TRABD2B: variants seen among roughly 807,000 people sequenced by gnomAD.
TRABD2B encodes metalloprotease TIKI2.
Under a neutral mutation model 40.1 loss-of-function variants are expected in TRABD2B, and 14 were observed. The observed-to-expected ratio is 0.35, with a 90% CI of 0.23 to 0.55. TRABD2B has a LOEUF of 0.55. TRABD2B is among the 20% of genes least tolerant of loss of function. The pLI, the probability that TRABD2B is intolerant of heterozygous loss-of-function variation, is 0.90. For synonymous variants in TRABD2B, 263 were observed against 277.0 expected (o/e 0.95, Z 0.50); for missense variants, 541 against 648.6 (o/e 0.83, Z 1.80).
chr1:47,843,068 T>C (rs2124491957), intron 2 of TRABD2B, among the ~76,000 whole-genome samples: 1 of 152,058 alleles, frequency 6.6e-6, no homozygotes, highest in Middle Eastern at 3.4e-3. Flanking sequence ...GGCTGCTGTA[T>C]AGTGAAAGGG....
chr1:47,936,620 A>G (rs1570321802), intron 2 of TRABD2B, among the ~76,000 whole-genome samples: 1 of 152,200 alleles, frequency 6.6e-6, no homozygotes, highest in Non-Finnish European at 1.5e-5. Flanking sequence ...GTTTGCCACT[A>G]TATTTCGGAT....
intron 2 of TRABD2B, among the ~76,000 whole-genome samples, chr1:47,837,291 T>C (rs1025734883): frequency 9.2e-5 from 14 of 152,138 alleles, no homozygotes; most frequent in Non-Finnish European, 1.6e-4. Flanking sequence ...AGGGAACAGA[T>C]CTGCATTTTT....
intron 4 of TRABD2B, among the ~76,000 whole-genome samples, chr1:47,789,266 T>C (rs1644638137): frequency 6.6e-6 from 1 of 152,108 alleles, no homozygotes; most frequent in Non-Finnish European, 1.5e-5. Context: ...AGCTGCTTGG[T>C]GTTGCTGGAG....
At chr1:47,831,095 G>A (rs986935999) in intron 2 of TRABD2B, among the ~76,000 whole-genome samples, 20 of 151,866 alleles carry the variant, frequency 1.3e-4, no homozygotes, top group Admixed American at 5.9e-4. Context: ...CACCTTTGAA[G>A]AGTATAGGCA....
chr1:47,983,756 G>GAAAAAAAAAAA (rs67664418), intron 2 of TRABD2B, among the ~76,000 whole-genome samples: 1 of 122,180 alleles, frequency 8.2e-6, no homozygotes, highest in Non-Finnish European at 1.7e-5. Flanking sequence ...GGCAAAAAAA[G>GAAAAAAAAAAA]AAAAAAAAAA....
chr1:47,878,461 C>T (rs956551778), intron 2 of TRABD2B, among the ~76,000 whole-genome samples: 9 of 152,210 alleles, frequency 5.9e-5, no homozygotes, highest in Admixed American at 5.2e-4. Context: ...AGAAGGGCCA[C>T]CAACACAGGC....
chr1:47,883,291 T>G (rs1644329499), intron 2 of TRABD2B, among the ~76,000 whole-genome samples: 1 of 152,206 alleles, frequency 6.6e-6, no homozygotes. Context: ...GTCTTGACAT[T>G]GTCTCAAAAT....
At position 47,994,538 on chromosome 1, in the gene TRABD2B, A is replaced by G; in HGVS notation, c.162T>C (p.Phe54=). Residue 54 remains phenylalanine, a synonymous_variant, in exon 2 of 7, where the codon TTT becomes TTC. Coordinates refer to ENST00000606738, the MANE Select transcript of TRABD2B (RefSeq NM_001194986.2). This position sits in a 1 kb window ranked among gnomAD's most constrained non-coding sequence, Gnocchi z 6.7. ...GGGTGTAGGGGACGTGAATAGTGCCAAACAGGTAGGCCGGAGGATCACGCC... is the reference window on the plus strand; with the variant it reads ...GGGTGTAGGGGACGTGAATAGTGCCGAACAGGTAGGCCGGAGGATCACGCC... The part of the protein sequence containing the change: ...TIRRDPPAYL[F]GTIHVPYTRV... 2 of 1,536,138 alleles carry G rather than the reference A, an allele frequency of 1.3e-6. No individual in the cohort carries two copies. Among genetic ancestry groups the G allele is most frequent in the South Asian group, 1.2e-5 (1 of 84,066 alleles).
At chr1:47,842,450 A>T (rs1159401851) in intron 2 of TRABD2B, among the ~76,000 whole-genome samples, 2 of 152,072 alleles carry the variant, frequency 1.3e-5, no homozygotes, top group Admixed American at 1.3e-4. Flanking sequence ...ATACCCTCCC[A>T]GGGGGGAGGA....
intron 2 of TRABD2B, among the ~76,000 whole-genome samples, chr1:47,918,979 A>G (rs181871476): frequency 1.6e-4 from 25 of 152,306 alleles, no homozygotes; most frequent in Admixed American, 3.9e-4. Flanking sequence ...GCTCATTCTT[A>G]CAGGCCCTGT....
At chr1:47,882,231 C>T (rs1188130292) in intron 2 of TRABD2B, among the ~76,000 whole-genome samples, 1 of 152,230 alleles carries the variant, frequency 6.6e-6, no homozygotes, top group Non-Finnish European at 1.5e-5. Flanking sequence ...CATCCTGCCT[C>T]ATGCTCCCCA....
intron 2 of TRABD2B, among the ~76,000 whole-genome samples, chr1:47,947,049 T>C (rs1010218009): frequency 6.6e-6 from 1 of 152,180 alleles, no homozygotes; most frequent in Non-Finnish European, 1.5e-5. Flanking sequence ...AAACCTTTGT[T>C]GCAACCCTGT....
intron 2 of TRABD2B, among the ~76,000 whole-genome samples, chr1:47,860,615 C>T (rs1890859): frequency 0.024 from 3,585 of 152,232 alleles, 113 homozygotes; most frequent in Admixed American, 0.095. Context: ...TGAGGCTGTG[C>T]TATGGTTTGA....
chr1:47,995,054 G>T (rs1457641131), intron 1 of TRABD2B, among the ~76,000 whole-genome samples: 1 of 152,170 alleles, frequency 6.6e-6, no homozygotes, highest in Non-Finnish European at 1.5e-5. Flanking sequence ...GGTGTTTCAT[G>T]CGGAGGGTGG....
intron 2 of TRABD2B, among the ~76,000 whole-genome samples, chr1:47,976,764 G>GC (rs1206157019): frequency 2.0e-5 from 3 of 152,190 alleles, no homozygotes; most frequent in African/African-American, 7.2e-5. Context: ...GCAGTACCTG[G>GC]CATGCAGCAG....
chr1:47,969,543 C>G (rs992762685), intron 2 of TRABD2B, among the ~76,000 whole-genome samples: 10 of 152,126 alleles, frequency 6.6e-5, no homozygotes, highest in African/African-American at 2.4e-4. Context: ...CATGATGGGC[C>G]AAAAGTCACA....
chr1:47,809,867 T>A (rs1401620745), intron 2 of TRABD2B, among the ~76,000 whole-genome samples: 1 of 152,192 alleles, frequency 6.6e-6, no homozygotes, highest in Non-Finnish European at 1.5e-5. Flanking sequence ...TCTGGGTGAA[T>A]TATTTTCCTT....
chr1:47,792,736 C>T (rs1283541280), intron 4 of TRABD2B, among the ~76,000 whole-genome samples: 1 of 152,150 alleles, frequency 6.6e-6, no homozygotes, highest in Non-Finnish European at 1.5e-5. Flanking sequence ...TAGCTACCCC[C>T]AGCCCTGGGA....
rs1157534848 is a variant in TRABD2B at position 47,994,757 on chromosome 1, T to C, written c.103-160A>G. ...GTCTTTGGAGCCTGAAAGACCCACA[T>C]TGAAAACCTAGCTTTGCCCTGTCTT... On this transcript the variant is annotated intron_variant, in intron 1 of 6. Coordinates refer to ENST00000606738, the MANE Select transcript of TRABD2B (RefSeq NM_001194986.2). This position sits in a 1 kb window ranked among gnomAD's most constrained non-coding sequence, Gnocchi z 6.7. 1.3e-5 allele frequency among the ~76,000 whole-genome samples: 2 copies of C among 152,148 alleles called. No homozygotes were observed. The highest frequency in any genetic ancestry group is 1.9e-4 in the East Asian group (1 of 5,186).
Sources: gnomAD v4.1 joint callset for allele counts (sites outside exome capture counted in the v4.1 genomes callset) on GRCh38, gnomAD v4.1.1 for gene constraint, Gnocchi (gnomAD v3.1) non-coding constraint, MANE v1.5 for transcripts, NCBI Gene and HGNC (gene_info 2026-07-23, HGNC 2026-07-21) for gene names.